LAMB1: variants seen among roughly 807,000 people sequenced by gnomAD.
LAMB1 encodes laminin subunit beta 1, also known as laminin subunit beta-1.
A neutral mutation model predicts 222.3 loss-of-function variants in LAMB1; 121 were observed. The ratio of observed to expected loss-of-function variants is 0.54; its 90% CI spans 0.47 to 0.63. The LOEUF (loss-of-function observed/expected upper bound fraction) is 0.63, where lower values mean the gene tolerates loss of function less well. Ranked by LOEUF, LAMB1 falls within the 30% of genes least tolerant of loss-of-function variation. The pLI, the probability that LAMB1 is intolerant of heterozygous loss-of-function variation, is 0.00. For missense variants in LAMB1, 2,172 were observed against 2,240.8 expected (o/e 0.97, Z 0.62); for synonymous variants, 794 against 807.2 (o/e 0.98, Z 0.28).
At chr7:107,967,299 C>T (rs2033655586) in intron 13 of LAMB1, among the ~76,000 whole-genome samples, 1 of 152,212 alleles carries the variant, frequency 6.6e-6, no homozygotes, top group African/African-American at 2.4e-5. Flanking sequence ...ATTGTCACTG[C>T]CACTGCCACT....
chr7:107,923,826 A>T lies in LAMB1; in HGVS notation c.*125T>A. The T allele has an allele frequency of 1.1e-6, 1 of 887,358 alleles. No homozygotes were observed. The allele number at this position is 887,358 out of a possible 1,614,324, so 55.0% of individuals were successfully genotyped here. ...TATACAAAAGCACTGTACTTTATTT[A>T]ACTCCATACAAAATGTGATTAAAAA... On this transcript the variant is annotated 3_prime_UTR_variant, in exon 34 of 34. Transcript: ENST00000222399.
chr7:107,987,034 A>C (rs1436798036), intron 5 of LAMB1, among the ~76,000 whole-genome samples: 1 of 152,278 alleles, frequency 6.6e-6, no homozygotes, highest in Non-Finnish European at 1.5e-5. Flanking sequence ...CACAATAGCC[A>C]GAAGGCGGGA....
In LAMB1 at chr7:107,924,324, T is replaced by C; in HGVS notation, c.5130A>G (p.Glu1710=). ...KVENLIAKKT[E]ESADARRKAE... ...CTTTCCTTCTGGCATCAGCTGACTC[T>C]TCAGTTTTTTTGGCAATTAAATTTT... The change falls in exon 33 of 34, where the codon GAA becomes GAG. Residue 1710 remains glutamate (E), a synonymous_variant. Transcript: ENST00000222399. 1.2e-6 allele frequency: 2 copies of C among 1,613,092 alleles called. No homozygotes were observed. The highest frequency in any genetic ancestry group is 1.7e-6 in the Non-Finnish European group (2 of 1,179,498).
chr7:107,963,155 C>A, intron 14 of LAMB1, 92 bp from the exon 15 acceptor site: 1 of 1,229,522 alleles, frequency 8.1e-7, no homozygotes, highest in Admixed American at 2.3e-5. Flanking sequence ...CCCAAAGATT[C>A]AAAAAGGGTG....
intron 24 of LAMB1, among the ~76,000 whole-genome samples, chr7:107,950,923 G>GGTGTGTGTGTGT (rs57060477): frequency 1.8e-4 from 27 of 147,856 alleles, no homozygotes; most frequent in Admixed American, 4.7e-4. Context: ...GTGTATTTGT[G>GGTGTGTGTGTGT]GTGTGTGTGT....
rs139914895 is a variant in LAMB1, at chr7:107,954,300, T to C, written c.2855-546A>G. 9.5e-4 allele frequency among the ~76,000 whole-genome samples: 144 copies of C among 152,052 alleles called. 1 individual carries two copies. Among genetic ancestry groups the C allele is most frequent in the African/African-American group, 3.2e-3 (132 of 41,512 alleles). On this transcript the variant is annotated intron_variant, in intron 21 of 33. Coordinates refer to ENST00000222399, the MANE Select transcript of LAMB1 (RefSeq NM_002291.3). ...TTTCCCAGCAGCTGGGACTACAGGT[T>C]TGCGGCACTACACCTGACTAATTTT...
In LAMB1 at chr7:107,935,754, C is replaced by T; in HGVS notation, c.3947-98G>A. On this transcript the variant is annotated intron_variant, in intron 26 of 33. Transcript: ENST00000222399. The stretch of plus-strand genomic sequence containing the variant: ...TTGGTGTCTTCGGGTCCTAAATTTA[C>T]TGTAAAGTTTTAAAATTCAAGAAAA... 2.3e-6 allele frequency: 3 copies of T among 1,312,316 alleles called. No individual in the cohort carries two copies. The Admixed American group carries it at 7.1e-5, about 31-fold the overall frequency. The allele number at this position is 1,312,316 out of a possible 1,614,324, so 81.3% of individuals were successfully genotyped here.
chr7:107,989,291 A>C (rs969402029), intron 5 of LAMB1, among the ~76,000 whole-genome samples: 1 of 152,212 alleles, frequency 6.6e-6, no homozygotes, highest in Non-Finnish European at 1.5e-5. Context: ...TGGAAGTCAG[A>C]TTACAAGGGA....
chr7:107,989,916 G>T (rs576596789), intron 5 of LAMB1, among the ~76,000 whole-genome samples: 1 of 152,122 alleles, frequency 6.6e-6, no homozygotes, highest in Non-Finnish European at 1.5e-5. Context: ...TTTACCTAAC[G>T]AATAGAATCC....
chr7:107,935,121 G>C (rs780622515), intron 27 of LAMB1, among the ~76,000 whole-genome samples: 55 of 151,942 alleles, frequency 3.6e-4, no homozygotes, highest in Non-Finnish European at 6.5e-4. Flanking sequence ...CGGTGTCACT[G>C]AGTAGCTAAA....
In LAMB1 at chr7:107,929,052, G is replaced by A; in HGVS notation, c.4887+12C>T. The A allele has an allele frequency of 6.2e-7, 1 of 1,612,494 alleles. No homozygotes were observed. ...GTGTGTTCCCATTCATGTAATGATTGTGTATGCCTACCGAAGTTAACAGGT... is the reference window on the plus strand; with the variant it reads ...GTGTGTTCCCATTCATGTAATGATTATGTATGCCTACCGAAGTTAACAGGT... On this transcript the variant is annotated intron_variant, in intron 31 of 33. Coordinates refer to ENST00000222399, the MANE Select transcript of LAMB1 (RefSeq NM_002291.3).
At position 107,959,759 on chromosome 7, in the gene LAMB1, T is replaced by C. The variant is rs780345179; in HGVS notation, c.2390A>G (p.Asn797Ser). ...TCTGTTGCAGGTTCTTCCAACCACG[T>C]TGGGCCGGCACTGGCACTGGCCTCC... ...PNGGQCQCRP[N>S]VVGRTCNRCA... Residue 797 changes from asparagine (N) to serine (S), a missense_variant, in exon 19 of 34, where the codon AAC (asparagine) becomes AGC (serine). Physicochemically the swap from Asn to Ser is conservative, Grantham distance 46 (BLOSUM62 1). Transcript: ENST00000222399. The C allele has an allele frequency of 6.8e-6, 11 of 1,614,030 alleles. 1 individual carries two copies. The South Asian group carries it at 1.2e-4, about 18-fold the overall frequency.
intron 12 of LAMB1, among the ~76,000 whole-genome samples, chr7:107,973,587 T>C (rs549219996): frequency 1.3e-5 from 2 of 152,274 alleles, no homozygotes; most frequent in Admixed American, 1.3e-4. Flanking sequence ...AATGGAACAG[T>C]AGGGAAGAGG....
At chr7:107,997,478 G>A (rs972687171) in intron 4 of LAMB1, among the ~76,000 whole-genome samples, 3 of 152,098 alleles carry the variant, frequency 2.0e-5, no homozygotes, top group Non-Finnish European at 4.4e-5. Context: ...TATTAAGGGC[G>A]TTTGTCTTTA....
intron 14 of LAMB1, 114 bp downstream of exon 14, chr7:107,964,438 G>T: frequency 2.5e-6 from 3 of 1,206,040 alleles, no homozygotes; most frequent in Non-Finnish European, 3.6e-6. Context: ...CTTATTTTGT[G>T]CTCACTGACA....
At chr7:108,002,140 C>G in intron 2 of LAMB1, 8 of 1,454,238 alleles carry the variant, frequency 5.5e-6, no homozygotes, top group Non-Finnish European at 7.3e-6. Flanking sequence ...CGCACGTGAA[C>G]CCGCGTGCAC....
chr7:107,974,928 C>G (rs946300964), intron 12 of LAMB1, 58 bp downstream of exon 12: 8 of 988,636 alleles, frequency 8.1e-6, no homozygotes, highest in Non-Finnish European at 1.3e-5. Context: ...AAAGGCTTCT[C>G]TATTAAAACA....
chr7:107,952,550 G>A (rs1003678860), intron 22 of LAMB1, among the ~76,000 whole-genome samples: 4 of 152,236 alleles, frequency 2.6e-5, no homozygotes, highest in Non-Finnish European at 2.9e-5. Flanking sequence ...AAAAATGCCA[G>A]TGGGAATTGA....
intron 29 of LAMB1, chr7:107,930,094 G>A (rs2032668603): frequency 6.3e-6 from 1 of 158,710 alleles, no homozygotes; most frequent in African/African-American, 2.4e-5. Context: ...AGAAACTTGT[G>A]AATGCAGATA....
Sources: allele counts gnomAD v4.1 joint callset (sites outside exome capture counted in the v4.1 genomes callset), GRCh38; gene constraint gnomAD v4.1.1; transcripts MANE v1.5; gene names NCBI Gene and HGNC (gene_info 2026-07-23, HGNC 2026-07-21).